The following FARP2 variants were observed in gnomAD, a reference collection of about 807,000 sequenced individuals.
FARP2 encodes the protein FERM, ARHGEF and pleckstrin domain-containing protein 2.
In FARP2, 111 loss-of-function variants were observed where a neutral mutation model predicts 130.5. The observed-to-expected ratio is 0.85, with a 90% CI of 0.73 to 1.00. FARP2 has a LOEUF of 1.00. Among genes scored for constraint, FARP2 ranks in the 50% least tolerant of loss-of-function variants. FARP2 has a pLI of 0.00. For missense variants in FARP2, 1,385 were observed against 1,346.3 expected, an observed-to-expected ratio of 1.03 and a Z score of -0.45; for synonymous variants, 504 against 516.9, an observed-to-expected ratio of 0.98 and a Z score of 0.34.
At chr2:241,458,619 T>C (rs2063929284) in intron 14 of FARP2, among the ~76,000 whole-genome samples, 2 of 152,162 alleles carry the variant, frequency 1.3e-5, no homozygotes, top group Non-Finnish European at 2.9e-5. Flanking sequence ...CCAAAAAAGA[T>C]GTCTTTTTAT....
At chr2:241,400,457 G>T (rs1210011844) in intron 2 of FARP2, among the ~76,000 whole-genome samples, 2 of 152,158 alleles carry the variant, frequency 1.3e-5, no homozygotes, top group South Asian at 4.1e-4. Context: ...AAATAAACGG[G>T]TCACAGTCAG....
intron 13 of FARP2, chr2:241,444,611 C>T (rs2063469725): frequency 6.6e-6 from 1 of 152,176 alleles, no homozygotes; most frequent in African/African-American, 2.4e-5. Flanking sequence ...ATGTTCCTTC[C>T]TAAGGAGTGG....
chr2:241,483,569 C>T (rs746625655), intron 20 of FARP2, 36 bp downstream of exon 20: 2 of 1,583,628 alleles, frequency 1.3e-6, no homozygotes, highest in Non-Finnish European at 1.7e-6. Context: ...TGCTTCCCCC[C>T]GAGGGGGATG....
At chr2:241,401,139 C>G (rs2062156250) in intron 2 of FARP2, among the ~76,000 whole-genome samples, 1 of 152,212 alleles carries the variant, frequency 6.6e-6, no homozygotes, top group Admixed American at 6.5e-5. Flanking sequence ...CTTGTACTTT[C>G]ATTCCGTATG....
chr2:241,454,307 G>A (rs1395030653), intron 13 of FARP2, among the ~76,000 whole-genome samples: 1 of 152,186 alleles, frequency 6.6e-6, no homozygotes, highest in Non-Finnish European at 1.5e-5. Flanking sequence ...GTGAGGTGCT[G>A]TGAGGACCCC....
At position 241,407,396 on chromosome 2, in the gene FARP2, A is replaced by G; in HGVS notation, c.332-141A>G. On this transcript the variant is annotated intron_variant, in intron 4 of 26. Coordinates refer to ENST00000264042, the MANE Select transcript of FARP2 (RefSeq NM_014808.4). The stretch of plus-strand genomic sequence containing the variant: ...CACACACCACCACACCTGGGCAGAA[A>G]TTTCTTAATATCATATTATTTGAAA... 3 of 651,810 alleles carry G rather than the reference A, an allele frequency of 4.6e-6. No homozygotes were observed. In the South Asian group the frequency reaches 5.6e-5, roughly 12 times the overall value. 40.4% of individuals were successfully genotyped at this position (651,810 alleles called of 1,614,324 possible).
At chr2:241,407,675 T>C in intron 5 of FARP2, 60 bp downstream of exon 5, 1 of 1,259,228 alleles carries the variant, frequency 7.9e-7, no homozygotes, top group Middle Eastern at 1.9e-4. Context: ...ACCTGTTATC[T>C]CCCACAGCAC....
At chr2:241,439,864 C>T (rs1215790460) in intron 12 of FARP2, among the ~76,000 whole-genome samples, 4 of 151,958 alleles carry the variant, frequency 2.6e-5, no homozygotes, top group Admixed American at 1.3e-4. Context: ...AGGCTGAGAC[C>T]GGAGAATTGC....
chr2:241,490,606 C>G (rs923391360), intron 22 of FARP2, among the ~76,000 whole-genome samples: 1 of 152,142 alleles, frequency 6.6e-6, no homozygotes, highest in South Asian at 2.1e-4. Context: ...TGCAGGGGCC[C>G]CTGCATGGTC....
intron 19 of FARP2, among the ~76,000 whole-genome samples, chr2:241,477,594 T>C (rs1217748104): frequency 6.6e-6 from 1 of 152,238 alleles, no homozygotes; most frequent in Non-Finnish European, 1.5e-5. Flanking sequence ...CAGTTTTGAG[T>C]ATATACCATA....
At chr2:241,490,978 C>A in intron 22 of FARP2, 83 bp from the exon 23 acceptor site, 1 of 1,001,864 alleles carries the variant, frequency 1.0e-6, no homozygotes, top group Non-Finnish European at 1.6e-6. Flanking sequence ...AGAACAGGTG[C>A]CCTGACGGCT....
At chr2:241,492,154 GCTGT>G (rs1325484366) in intron 24 of FARP2, among the ~76,000 whole-genome samples, 3 of 152,032 alleles carry the variant, frequency 2.0e-5, no homozygotes, top group East Asian at 1.9e-4. Flanking sequence ...CCCCAAGCCT[GCTGT>G]CTTACTCCAC....
chr2:241,460,314 C>T (rs1002148603), intron 14 of FARP2, among the ~76,000 whole-genome samples: 1 of 152,152 alleles, frequency 6.6e-6, no homozygotes, highest in Admixed American at 6.5e-5. Context: ...TGGGGTCCGT[C>T]TCTGTTGCCC....
At chr2:241,399,279 A>C (rs966145948) in intron 2 of FARP2, among the ~76,000 whole-genome samples, 1 of 151,968 alleles carries the variant, frequency 6.6e-6, no homozygotes, top group African/African-American at 2.4e-5. Flanking sequence ...AGATCTTTAT[A>C]TATGTTGACT....
intron 8 of FARP2, among the ~76,000 whole-genome samples, chr2:241,422,198 C>G (rs2150379437): frequency 6.8e-6 from 1 of 147,534 alleles, no homozygotes; most frequent in Admixed American, 6.8e-5. Context: ...AGCAGATCAC[C>G]TAAGGTCAGA....
At chr2:241,368,453 T>G (rs1265442025) in intron 1 of FARP2, among the ~76,000 whole-genome samples, 1 of 152,124 alleles carries the variant, frequency 6.6e-6, no homozygotes, top group African/African-American at 2.4e-5. Context: ...TAGTCTAGCC[T>G]GTGTGTTCTT....
intron 17 of FARP2, among the ~76,000 whole-genome samples, chr2:241,466,875 A>G (rs1481467427): frequency 6.6e-6 from 1 of 151,906 alleles, no homozygotes; most frequent in Non-Finnish European, 1.5e-5. Context: ...GTCAGTCCCC[A>G]TTCCTTTATG....
intron 2 of FARP2, among the ~76,000 whole-genome samples, chr2:241,389,029 C>T (rs1456740549): frequency 6.6e-6 from 1 of 152,022 alleles, no homozygotes; most frequent in African/African-American, 2.4e-5. Flanking sequence ...GCCTGTAATC[C>T]CAGCCCTTTG....
chr2:241,394,821 G>A (rs979442684), intron 2 of FARP2, among the ~76,000 whole-genome samples: 3 of 152,142 alleles, frequency 2.0e-5, no homozygotes, highest in African/African-American at 7.2e-5. Context: ...CTCATCTGTG[G>A]TCTTACTTTT....
Sources: allele counts gnomAD v4.1 joint callset (sites outside exome capture counted in the v4.1 genomes callset), GRCh38; gene constraint gnomAD v4.1.1; transcripts MANE v1.5; gene names NCBI Gene and HGNC (gene_info 2026-07-23, HGNC 2026-07-21).